Variants in PCDHGB3 observed in about 807,000 individuals in gnomAD.
The protein encoded by PCDHGB3 is protocadherin gamma-B3.
In PCDHGB3, 40 loss-of-function variants were observed where a neutral mutation model predicts 59.2. The observed-to-expected ratio is 0.68, with a 90% CI of 0.52 to 0.88. PCDHGB3 has a LOEUF of 0.88. Ranked by LOEUF, PCDHGB3 falls within the 40% of genes least tolerant of loss-of-function variation. PCDHGB3 has a pLI of 0.00. For missense variants in PCDHGB3, 1,309 were observed against 1,187.9 expected, an observed-to-expected ratio of 1.10 and a Z score of -1.50; for synonymous variants, 581 against 503.6, an observed-to-expected ratio of 1.15 and a Z score of -2.06.
intron 1 of PCDHGB3, chr5:141,399,640 G>A: frequency 6.2e-7 from 1 of 1,613,836 alleles, no homozygotes; most frequent in Non-Finnish European, 8.5e-7. Flanking sequence ...GTCCATGAGC[G>A]CGCAAAGTGG....
chr5:141,500,318 C>T (rs1005060282), intron 2 of PCDHGB3, among the ~76,000 whole-genome samples: 3 of 151,948 alleles, frequency 2.0e-5, no homozygotes, highest in African/African-American at 7.3e-5. Context: ...ACGCCATGCT[C>T]CTGCCTCAGC....
chr5:141,469,853 G>A (rs549678022), intron 1 of PCDHGB3, among the ~76,000 whole-genome samples: 5 of 152,270 alleles, frequency 3.3e-5, no homozygotes, highest in South Asian at 2.1e-4. Context: ...GATTCAGACC[G>A]GGTGCAATGG....
chr5:141,394,184 C>T (rs1277537550), intron 1 of PCDHGB3: 1 of 1,613,944 alleles, frequency 6.2e-7, no homozygotes, highest in Non-Finnish European at 8.5e-7. Flanking sequence ...ATGCCTCCTA[C>T]TCAGCGTATA....
intron 1 of PCDHGB3, chr5:141,411,445 G>A (rs926329934): frequency 1.3e-5 from 2 of 151,656 alleles, no homozygotes; most frequent in South Asian, 2.1e-4. Flanking sequence ...TTAGCAGAGT[G>A]TGGTAGCATT....
At position 141,491,065 on chromosome 5, in the gene PCDHGB3, C is replaced by T; in HGVS notation, c.2416-3742C>T. On this transcript the variant is annotated intron_variant, in intron 1 of 3. Transcript: ENST00000576222. This position sits in a 1 kb window ranked among gnomAD's most constrained non-coding sequence, Gnocchi z 6.9. ...CCACAATGCGTGGCTCTCCTACTCA[C>T]TGTTGCCACAGTCCACAGCCCCAGG... 4 of 1,614,210 alleles carry T rather than the reference C, an allele frequency of 2.5e-6. No individual in the cohort carries two copies. Among genetic ancestry groups the T allele is most frequent in the Admixed American group, 1.7e-5 (1 of 60,030 alleles).
chr5:141,405,533 C>T (rs2094681755), intron 1 of PCDHGB3: 2 of 648,174 alleles, frequency 3.1e-6, no homozygotes. Context: ...GATTCTCCTG[C>T]CTCAGCCTCC....
chr5:141,389,553 G>A, intron 1 of PCDHGB3: 1 of 1,613,234 alleles, frequency 6.2e-7, no homozygotes, highest in South Asian at 1.1e-5. Context: ...CAACGACAAT[G>A]CGCCACGGGT....
At chr5:141,427,901 G>T in intron 1 of PCDHGB3, 1 of 1,572,232 alleles carries the variant, frequency 6.4e-7, no homozygotes. Flanking sequence ...GCTCGCCCGC[G>T]CTCAGCGCCA....
At chr5:141,405,083 C>T in intron 1 of PCDHGB3, 1 of 1,613,942 alleles carries the variant, frequency 6.2e-7, no homozygotes, top group Non-Finnish European at 8.5e-7. Flanking sequence ...CGTTATCACG[C>T]TGCTGGCCCT....
rs772052592 is a variant in PCDHGB3, at chr5:141,385,040, T to C, written c.2415+12231T>C. 6.2e-6 allele frequency: 10 copies of C among 1,614,040 alleles called. No individual in the cohort carries two copies. In the South Asian group the frequency reaches 9.9e-5, roughly 16 times the overall value. On this transcript the variant is annotated intron_variant, in intron 1 of 3. Coordinates refer to ENST00000576222, the MANE Select transcript of PCDHGB3 (RefSeq NM_018924.5). The stretch of plus-strand genomic sequence containing the variant: ...GCCTTCGTCCTCGTACTGCTGGCGC[T>C]CAGGCTGCGGCGCTGGCACAAGTCA...
intron 1 of PCDHGB3, chr5:141,427,267 A>C (rs1361287845): frequency 6.6e-6 from 3 of 456,648 alleles, no homozygotes; most frequent in Non-Finnish European, 1.3e-5. Flanking sequence ...ATGACCAGCG[A>C]ATGTAAAATT....
chr5:141,383,695 G>C (rs373055594), intron 1 of PCDHGB3: 3 of 1,613,974 alleles, frequency 1.9e-6, no homozygotes, highest in Non-Finnish European at 2.5e-6. Context: ...CACGGTACAT[G>C]CTATCGACCT....
In PCDHGB3 at chr5:141,477,200, C is replaced by A; in HGVS notation, c.2416-17607C>A. On this transcript the variant is annotated intron_variant, in intron 1 of 3. Transcript: ENST00000576222. The surrounding 1 kb of genome is among the most constrained non-coding windows in gnomAD (Gnocchi z 4.9). The stretch of plus-strand genomic sequence containing the variant: ...AGTCACCTCCGTGTACAGCCCAGTA[C>A]CCGAGGATGCCCCTCTGGGGACTGT... 6.2e-7 allele frequency: 1 copy of A among 1,614,206 alleles called. No homozygotes were observed. Among genetic ancestry groups the A allele is most frequent in the South Asian group, 1.1e-5 (1 of 91,088 alleles).
intron 1 of PCDHGB3, among the ~76,000 whole-genome samples, chr5:141,470,845 G>T (rs1381257094): frequency 1.3e-5 from 2 of 151,972 alleles, no homozygotes; most frequent in African/African-American, 4.8e-5. Flanking sequence ...ACGCCACCAT[G>T]CTCAGATAAG....
chr5:141,422,410 T>C, intron 1 of PCDHGB3: 1 of 1,601,816 alleles, frequency 6.2e-7, no homozygotes, highest in Non-Finnish European at 8.5e-7. Context: ...GCCTTTTAAA[T>C]TAGAAAAGAC....
intron 1 of PCDHGB3, chr5:141,399,835 C>T (rs756646382): frequency 1.2e-6 from 2 of 1,613,164 alleles, no homozygotes; most frequent in South Asian, 2.2e-5. Flanking sequence ...CGGCTCTGCG[C>T]TCTTCGATAT....
rs1193095881 is a variant in PCDHGB3 at position 141,490,273 on chromosome 5, G to T, written c.2416-4534G>T. On this transcript the variant is annotated intron_variant, in intron 1 of 3. Coordinates refer to ENST00000576222, the MANE Select transcript of PCDHGB3 (RefSeq NM_018924.5). This position sits in a 1 kb window ranked among gnomAD's most constrained non-coding sequence, Gnocchi z 5.4. ...TCAAGTGGATGTGGGGGATGTCAAT[G>T]ACAATGCCCCAGAGGTGCTATTGGC... 6.2e-7 allele frequency: 1 copy of T among 1,614,108 alleles called. No homozygotes were observed. The highest frequency in any genetic ancestry group is 8.5e-7 in the Non-Finnish European group (1 of 1,180,052).
intron 1 of PCDHGB3, chr5:141,484,976 G>T: frequency 1.7e-6 from 1 of 592,920 alleles, no homozygotes; most frequent in South Asian, 2.1e-5. Flanking sequence ...GCCGCTGTCT[G>T]CCAATCGGGT....
chr5:141,374,959 C>T, intron 1 of PCDHGB3: 1 of 1,614,014 alleles, frequency 6.2e-7, no homozygotes, highest in Non-Finnish European at 8.5e-7. Context: ...CACAAATTTT[C>T]TGTTTGAATG....
Sources: gnomAD v4.1 joint callset for allele counts (sites outside exome capture counted in the v4.1 genomes callset) on GRCh38, gnomAD v4.1.1 for gene constraint, Gnocchi (gnomAD v3.1) non-coding constraint, MANE v1.5 for transcripts, NCBI Gene and HGNC (gene_info 2026-07-23, HGNC 2026-07-21) for gene names.